MLYCD: variants seen among roughly 807,000 people sequenced by gnomAD.
MLYCD encodes the protein malonyl-CoA decarboxylase.
A neutral mutation model predicts 35.8 loss-of-function variants in MLYCD; 27 were observed. That is an observed-to-expected ratio of 0.75 (90% confidence interval 0.56 to 1.04). MLYCD has a LOEUF of 1.04. MLYCD is among the 50% of genes least tolerant of loss of function. MLYCD has a pLI of 0.00. For synonymous variants in MLYCD, 403 were observed against 302.4 expected, an observed-to-expected ratio of 1.33 and a Z score of -3.45; for missense variants, 917 against 665.1, an observed-to-expected ratio of 1.38 and a Z score of -4.17.
At chr16:83,912,959 G>A (rs2151059029) in intron 4 of MLYCD, 1 of 174,884 alleles carries the variant, frequency 5.7e-6, no homozygotes, top group South Asian at 1.3e-4. Flanking sequence ...AAATGTTGAT[G>A]TTCACTCCAG....
Position 83,899,683 on chromosome 16 carries a change from G to A in MLYCD, c.528+11G>A, listed in dbSNP as rs1395599954. The A allele has an allele frequency of 2.6e-6, 4 of 1,509,934 alleles. No homozygotes were observed. Among genetic ancestry groups the A allele is most frequent in the African/African-American group, 1.4e-5 (1 of 70,284 alleles). The allele number at this position is 1,509,934 out of a possible 1,614,324, so 93.5% of individuals were successfully genotyped here. On this transcript the variant is annotated intron_variant, in intron 1 of 4. Transcript: ENST00000262430. Reference sequence around the variant, plus strand: ...GGGCCGGACGTCCGGGTAAGGGGCCGCCGTCGATCCCCCGGCAGCGCGGAC... The same window carrying A: ...GGGCCGGACGTCCGGGTAAGGGGCCACCGTCGATCCCCCGGCAGCGCGGAC...
intron 4 of MLYCD, 117 bp from the exon 5 acceptor site, chr16:83,914,839 C>G (rs1907313082): frequency 7.0e-7 from 1 of 1,423,830 alleles, no homozygotes; most frequent in Non-Finnish European, 9.9e-7. Context: ...AGATGTCACT[C>G]TGACCGCTAC....
chr16:83,919,951 C>G lies in MLYCD; in HGVS notation c.*4462C>G, dbSNP rs1011596845. Reference sequence around the variant, plus strand: ...AACACATTCCATGCACAGGAGAACACACGCAATTCACAGGACACAACAGAA... The same window carrying G: ...AACACATTCCATGCACAGGAGAACAGACGCAATTCACAGGACACAACAGAA... On this transcript the variant is annotated 3_prime_UTR_variant, in exon 5 of 5. Transcript: ENST00000262430. 6.6e-6 allele frequency: 1 copy of G among 151,882 alleles called. No individual in the cohort carries two copies. The highest frequency in any genetic ancestry group is 1.5e-5 in the Non-Finnish European group (1 of 68,394). The allele number at this position is 151,882 out of a possible 1,614,324, so 9.4% of individuals were successfully genotyped here. A position where few individuals can be genotyped will look rare whatever the true frequency, so the allele number is the denominator to read the frequency against.
rs1907593400 is a variant in MLYCD, at chr16:83,919,907, C to T, written c.*4418C>T. The T allele has an allele frequency of 6.6e-6, 1 of 151,456 alleles. No individual in the cohort carries two copies. The highest frequency in any genetic ancestry group is 1.5e-5 in the Non-Finnish European group (1 of 68,162). The allele number at this position is 151,456 out of a possible 1,614,324, so 9.4% of individuals were successfully genotyped here. A position where few individuals can be genotyped will look rare whatever the true frequency, so the allele number is the denominator to read the frequency against. ...ACTGCACAGAACATGCAGTGGTGCA[C>T]AGGAGAACAGTACACAACAACACAT... On this transcript the variant is annotated 3_prime_UTR_variant, in exon 5 of 5. Transcript: ENST00000262430.
chr16:83,914,776 C>G (rs1380086279), intron 4 of MLYCD, 180 bp from the exon 5 acceptor site: 2 of 874,156 alleles, frequency 2.3e-6, no homozygotes, highest in East Asian at 5.4e-5. Flanking sequence ...AAGACCCTGA[C>G]TCTAAGAGGA....
At chr16:83,906,421 G>C (rs1906977426) in intron 1 of MLYCD, among the ~76,000 whole-genome samples, 1 of 152,104 alleles carries the variant, frequency 6.6e-6, no homozygotes, top group Admixed American at 6.5e-5. Flanking sequence ...ATTAGTCTGT[G>C]ACCCGCCATC....
chr16:83,915,718 G>A lies in MLYCD; in HGVS notation c.*229G>A. The A allele has an allele frequency of 7.0e-7, 1 of 1,422,864 alleles. No individual in the cohort carries two copies. Among genetic ancestry groups the A allele is most frequent in the Non-Finnish European group, 9.2e-7 (1 of 1,087,842 alleles). The allele number at this position is 1,422,864 out of a possible 1,614,324, so 88.1% of individuals were successfully genotyped here. A position where few individuals can be genotyped will look rare whatever the true frequency, so the allele number is the denominator to read the frequency against. ...GGTGCGGGTGCACACAAATGAGTGGGTTGCTGTGCTGTCTCCGGAAGATTC... is the reference window on the plus strand; with the variant it reads ...GGTGCGGGTGCACACAAATGAGTGGATTGCTGTGCTGTCTCCGGAAGATTC... On this transcript the variant is annotated 3_prime_UTR_variant, in exon 5 of 5. Transcript: ENST00000262430.
At chr16:83,902,161 A>AGCG (rs1567631684) in intron 1 of MLYCD, among the ~76,000 whole-genome samples, 9 of 104,804 alleles carry the variant, frequency 8.6e-5, no homozygotes, top group Admixed American at 3.8e-4. Context: ...GTGCGTATAT[A>AGCG]TATATATATA....
In MLYCD at chr16:83,908,273, C is replaced by T. The variant is rs1157095061; in HGVS notation, c.789C>T (p.Ser263=). 1.2e-6 allele frequency: 2 copies of T among 1,614,130 alleles called. No homozygotes were observed. The highest frequency in any genetic ancestry group is 1.7e-6 in the Non-Finnish European group (2 of 1,180,024). ...TGGCACTGACTGGTGACATCTCCAG[C>T]AACATCCAGGTACCTGCGATGGTCA... The part of the protein sequence containing the change: ...LHVALTGDIS[S]NIQAIVKEHP... Residue 263 remains serine (S), a synonymous_variant, in exon 3 of 5, where the codon AGC becomes AGT. Transcript: ENST00000262430.
At position 83,899,278 on chromosome 16, in the gene MLYCD, G is replaced by C. The variant is rs1365443024; in HGVS notation, c.134G>C (p.Arg45Pro). Residue 45 changes from arginine to proline, a missense_variant, in exon 1 of 5, where the codon CGC becomes CCC. Coordinates refer to ENST00000262430, the MANE Select transcript of MLYCD (RefSeq NM_012213.3). Reference sequence around the variant, plus strand: ...GAGCGGGCCATGGACGAGCTGCTGCGCCGCGCGGTGCCGCCGACGCCGGCC... The same window carrying C: ...GAGCGGGCCATGGACGAGCTGCTGCCCCGCGCGGTGCCGCCGACGCCGGCC... Reference protein sequence around the residue: ...ALERAMDELLRRAVPPTPAYE... With the variant: ...ALERAMDELLPRAVPPTPAYE... The C allele has an allele frequency of 5.4e-6, 8 of 1,468,806 alleles. No individual in the cohort carries two copies. The highest frequency in any genetic ancestry group is 7.2e-6 in the Non-Finnish European group (8 of 1,115,610). 91.0% of individuals were successfully genotyped at this position (1,468,806 alleles called of 1,614,324 possible).
Position 83,916,170 on chromosome 16 carries a change from G to T in MLYCD, c.*681G>T. ...TCACAGTAAAGAACACGTTTGTTCT[G>T]TAAAGCATTGAACATCTGATTGTGT... On this transcript the variant is annotated 3_prime_UTR_variant, in exon 5 of 5. Transcript: ENST00000262430. 1 of 990,580 alleles carries T rather than the reference G, an allele frequency of 1.0e-6. No individual in the cohort carries two copies. The highest frequency in any genetic ancestry group is 1.2e-6 in the Non-Finnish European group (1 of 831,994). The allele number at this position is 990,580 out of a possible 1,614,324, so 61.4% of individuals were successfully genotyped here.
chr16:83,902,140 T>C (rs1220962111), intron 1 of MLYCD, among the ~76,000 whole-genome samples: 1 of 134,860 alleles, frequency 7.4e-6, no homozygotes, highest in African/African-American at 2.9e-5. Context: ...TATGTGTGTG[T>C]GTGTGTGTGC....
At position 83,915,989 on chromosome 16, in the gene MLYCD, G is replaced by A. The variant is rs1907371912; in HGVS notation, c.*500G>A. On this transcript the variant is annotated 3_prime_UTR_variant, in exon 5 of 5. Coordinates refer to ENST00000262430, the MANE Select transcript of MLYCD (RefSeq NM_012213.3). ...ACAAAGGGCTGTGCTACACTTCCCA[G>A]TTACATTCTGAAGCTCATAAATGTA... 2.0e-6 allele frequency: 2 copies of A among 1,012,862 alleles called. No individual in the cohort carries two copies. The highest frequency in any genetic ancestry group is 2.4e-6 in the Non-Finnish European group (2 of 844,798). The allele number at this position is 1,012,862 out of a possible 1,614,324, so 62.7% of individuals were successfully genotyped here.
At chr16:83,914,307 C>G (rs1395245395) in intron 4 of MLYCD, 1 of 165,366 alleles carries the variant, frequency 6.0e-6, no homozygotes, top group Non-Finnish European at 1.3e-5. Context: ...CGTTCTGCAC[C>G]CGCCGTGGTG....
At position 83,918,824 on chromosome 16, in the gene MLYCD, C is replaced by CACAGTACACAGGAGA. The variant is rs1399846592; in HGVS notation, c.*3339_*3353dup. 1 of 147,646 alleles carries CACAGTACACAGGAGA rather than the reference C, an allele frequency of 6.8e-6. No homozygotes were observed. Among genetic ancestry groups the CACAGTACACAGGAGA allele is most frequent in the Non-Finnish European group, 1.5e-5 (1 of 67,574 alleles). 9.1% of individuals were successfully genotyped at this position (147,646 alleles called of 1,614,324 possible). ...GCACACACAGTGCACAGAACACAGA[C>CACAGTACACAGGAGA]ACAGTACACAGGAGAACACGCACAC... On this transcript the variant is annotated 3_prime_UTR_variant, in exon 5 of 5. Transcript: ENST00000262430.
At chr16:83,901,424 C>G (rs921285185) in intron 1 of MLYCD, among the ~76,000 whole-genome samples, 1 of 152,202 alleles carries the variant, frequency 6.6e-6, no homozygotes, top group Admixed American at 6.5e-5. Context: ...ACACTTGACA[C>G]ACTAATCATT....
In MLYCD at chr16:83,916,031, T is replaced by C. The variant is rs554095159; in HGVS notation, c.*542T>C. The C allele has an allele frequency of 5.1e-5, 51 of 1,004,970 alleles. No individual in the cohort carries two copies. In the South Asian group the frequency reaches 2.0e-3, roughly 39 times the overall value. 62.3% of individuals were successfully genotyped at this position (1,004,970 alleles called of 1,614,324 possible). A position where few individuals can be genotyped will look rare whatever the true frequency, so the allele number is the denominator to read the frequency against. On this transcript the variant is annotated 3_prime_UTR_variant, in exon 5 of 5. Coordinates refer to ENST00000262430, the MANE Select transcript of MLYCD (RefSeq NM_012213.3). ...ATAAATGTATGAGAAGGTTTGTGAT[T>C]TTGCACAAGGTGTGTGTAGTAAGTT...
Position 83,915,214 on chromosome 16 carries a change from G to A in MLYCD, c.1207G>A (p.Ala403Thr), listed in dbSNP as rs569549800. 5.0e-6 allele frequency: 8 copies of A among 1,613,872 alleles called. No individual in the cohort carries two copies. The highest frequency in any genetic ancestry group is 2.7e-5 in the African/African-American group (2 of 74,946). ...ALQTPLMRLC[A>T]WYLYGEKHRG... ...GCAGACTCCGCTGATGAGGCTGTGC[G>A]CCTGGTACCTGTATGGAGAGAAGCA... Residue 403 changes from alanine (A) to threonine (T), a missense_variant, in exon 5 of 5, where the codon GCC becomes ACC. Ala to Thr is a moderately conservative substitution (Grantham distance 58). Coordinates refer to ENST00000262430, the MANE Select transcript of MLYCD (RefSeq NM_012213.3).
At chr16:83,914,607 C>G in intron 4 of MLYCD, 1 of 368,312 alleles carries the variant, frequency 2.7e-6, no homozygotes, top group South Asian at 2.2e-5. Flanking sequence ...GTCTGGCACA[C>G]ATCAGGTTCC....
Sources: allele counts gnomAD v4.1 joint callset (sites outside exome capture counted in the v4.1 genomes callset), GRCh38; gene constraint gnomAD v4.1.1; transcripts MANE v1.5; gene names NCBI Gene and HGNC (gene_info 2026-07-23, HGNC 2026-07-21).